Variants in SIPA1L2 observed in about 807,000 individuals in gnomAD.
The protein encoded by SIPA1L2 is signal induced proliferation associated 1 like 2, also known as signal-induced proliferation-associated 1-like protein 2.
In SIPA1L2, 56 loss-of-function variants were observed where a neutral mutation model predicts 163.9. That is an observed-to-expected ratio of 0.34 (90% CI 0.28 to 0.43). The LOEUF (loss-of-function observed/expected upper bound fraction) is 0.43. SIPA1L2 is among the 20% of genes least tolerant of loss of function. The pLI is 1.00. For missense variants in SIPA1L2, 1,974 were observed against 2,193.5 expected, an observed-to-expected ratio of 0.90 and a Z score of 2.00; for synonymous variants, 877 against 865.7, an observed-to-expected ratio of 1.01 and a Z score of -0.23.
intron 1 of SIPA1L2, among the ~76,000 whole-genome samples, chr1:232,601,791 A>G (rs1272246126): frequency 1.3e-5 from 2 of 152,236 alleles, no homozygotes; most frequent in Non-Finnish European, 2.9e-5. Context: ...TCAACCAGGT[A>G]GATAAAATCA....
intron 10 of SIPA1L2, among the ~76,000 whole-genome samples, chr1:232,457,820 C>T (rs952531895): frequency 2.0e-5 from 3 of 152,200 alleles, no homozygotes; most frequent in African/African-American, 7.2e-5. Context: ...CATACTTACA[C>T]TTGCGGTCTA....
At position 232,483,831 on chromosome 1, in the gene SIPA1L2, T is replaced by G; in HGVS notation, c.1942A>C (p.Lys648Gln). Residue 648 changes from lysine (K) to glutamine (Q), a missense_variant, in exon 6 of 23, where the codon AAA becomes CAA. Physicochemically the swap from Lys to Gln is moderately conservative, Grantham distance 53. Coordinates refer to ENST00000674635, the MANE Select transcript of SIPA1L2 (RefSeq NM_020808.5). ...LDLLGQRVRL[K>Q]GFSKYRAQLD... ...TGAGCTCGATATTTACTAAATCCTTTCAGTCGGACTCTCTGGCCCAGAAGA... is the reference window on the plus strand; with the variant it reads ...TGAGCTCGATATTTACTAAATCCTTGCAGTCGGACTCTCTGGCCCAGAAGA... The G allele has an allele frequency of 1.9e-6, 3 of 1,614,052 alleles. No homozygotes were observed. The highest frequency in any genetic ancestry group is 2.5e-6 in the Non-Finnish European group (3 of 1,179,944).
At chr1:232,504,276 C>T (rs1475077240) in intron 3 of SIPA1L2, among the ~76,000 whole-genome samples, 1 of 151,888 alleles carries the variant, frequency 6.6e-6, no homozygotes, top group African/African-American at 2.4e-5. Context: ...CAGTGGCTCA[C>T]ACCTGCAATC....
At chr1:232,577,272 A>C (rs555634828) in intron 1 of SIPA1L2, among the ~76,000 whole-genome samples, 23 of 152,282 alleles carry the variant, frequency 1.5e-4, no homozygotes, top group African/African-American at 5.5e-4. Flanking sequence ...TTATTTACTA[A>C]ATATTTTAAG....
chr1:232,403,494 A>T lies in SIPA1L2; in HGVS notation c.4894T>A (p.Leu1632Ile), dbSNP rs757401711. 3 of 1,613,944 alleles carry T rather than the reference A, an allele frequency of 1.9e-6. No individual in the cohort carries two copies. In the African/African-American group the frequency reaches 4.0e-5, roughly 22 times the overall value. ...QDLEGAQELP[L>I]CVDPGSGKEF... Reference sequence around the variant, plus strand: ...TTGCCACTGCCTGGATCTACACATAAGGGCAGCTCTTGGGCCCCTTCCAGG... The same window carrying T: ...TTGCCACTGCCTGGATCTACACATATGGGCAGCTCTTGGGCCCCTTCCAGG... Residue 1632 changes from leucine (L) to isoleucine (I), a missense_variant, in exon 21 of 23, where the codon TTA becomes ATA. Coordinates refer to ENST00000674635, the MANE Select transcript of SIPA1L2 (RefSeq NM_020808.5).
intron 1 of SIPA1L2, among the ~76,000 whole-genome samples, chr1:232,597,407 G>C (rs1234921363): frequency 6.6e-6 from 1 of 151,892 alleles, no homozygotes; most frequent in South Asian, 2.1e-4. Flanking sequence ...GCCGGGCGCG[G>C]TGGCTCACAC....
chr1:232,526,213 G>A (rs955965247), intron 2 of SIPA1L2, among the ~76,000 whole-genome samples: 7 of 152,120 alleles, frequency 4.6e-5, no homozygotes, highest in Non-Finnish European at 8.8e-5. Flanking sequence ...ACACAGACCC[G>A]GCCTCCCCAG....
At chr1:232,576,399 A>G (rs1285678) in intron 1 of SIPA1L2, among the ~76,000 whole-genome samples, 83,942 of 152,112 alleles carry the variant, frequency 0.55, 23,530 homozygotes, top group East Asian at 0.85. Flanking sequence ...TAACTGTTCT[A>G]GGGTGGCATG....
chr1:232,515,546 C>T lies in SIPA1L2; in HGVS notation c.-207G>A, dbSNP rs1036597339. 1.4e-5 allele frequency: 7 copies of T among 509,820 alleles called. No individual in the cohort carries two copies. The highest frequency in any genetic ancestry group is 3.9e-5 in the South Asian group (1 of 25,370). The allele number at this position is 509,820 out of a possible 1,614,324, so 31.6% of individuals were successfully genotyped here. On this transcript the variant is annotated 5_prime_UTR_variant, in exon 3 of 23. Transcript: ENST00000674635. ...TCTCTGTTGTCGTAATAATGTTGTA[C>T]GCCTCTGTTCTTTTCAAAAGCATTC...
chr1:232,433,327 A>G (rs998647410), intron 15 of SIPA1L2, among the ~76,000 whole-genome samples: 6 of 152,222 alleles, frequency 3.9e-5, no homozygotes, highest in African/African-American at 1.4e-4. Flanking sequence ...TAAAGTTCAT[A>G]AACAGGTAAA....
chr1:232,498,802 A>G (rs1195236331), intron 3 of SIPA1L2, among the ~76,000 whole-genome samples: 1 of 152,180 alleles, frequency 6.6e-6, no homozygotes, highest in Non-Finnish European at 1.5e-5. Context: ...ATAATCCAGG[A>G]TATCTCCCTA....
chr1:232,428,653 C>G (rs1662045221), intron 16 of SIPA1L2, 89 bp from the exon 17 acceptor site: 3 of 1,010,646 alleles, frequency 3.0e-6, no homozygotes, highest in South Asian at 2.8e-5. Context: ...GTTTCAACAG[C>G]CACAAACGCA....
chr1:232,487,371 C>T (rs756896422), intron 5 of SIPA1L2, among the ~76,000 whole-genome samples: 17 of 152,174 alleles, frequency 1.1e-4, no homozygotes, highest in Admixed American at 1.1e-3. Flanking sequence ...TTGTTCTAAG[C>T]ATGTAATCTC....
intron 2 of SIPA1L2, among the ~76,000 whole-genome samples, chr1:232,535,856 T>C (rs1047399735): frequency 6.6e-6 from 1 of 152,256 alleles, no homozygotes; most frequent in African/African-American, 2.4e-5. Context: ...ACTGATTTTT[T>C]ACATATTAAA....
At chr1:232,506,481 C>A (rs1198552948) in intron 3 of SIPA1L2, among the ~76,000 whole-genome samples, 1 of 152,096 alleles carries the variant, frequency 6.6e-6, no homozygotes, top group Non-Finnish European at 1.5e-5. Context: ...CAAGAGTTGA[C>A]CTCCAACTAT....
chr1:232,401,460 ACT>A (rs1660335291), intron 22 of SIPA1L2, among the ~76,000 whole-genome samples: 1 of 152,048 alleles, frequency 6.6e-6, no homozygotes, highest in Admixed American at 6.6e-5. Context: ...TATCCACAAA[ACT>A]CTTATACTCC....
At chr1:232,621,242 G>A (rs190405842) in intron 1 of SIPA1L2, among the ~76,000 whole-genome samples, 1 of 152,208 alleles carries the variant, frequency 6.6e-6, no homozygotes, top group Non-Finnish European at 1.5e-5. Flanking sequence ...GAGAGAACAG[G>A]GCAGTTTTTA....
intron 2 of SIPA1L2, among the ~76,000 whole-genome samples, chr1:232,569,852 A>G (rs1013279418): frequency 1.3e-5 from 2 of 152,264 alleles, no homozygotes; most frequent in South Asian, 2.1e-4. Context: ...CGGATCCTCT[A>G]AAGATCCATT....
rs777436260 is a variant in SIPA1L2, at chr1:232,425,665, C to G, written c.4554G>C (p.Leu1518=). 1.1e-5 allele frequency: 18 copies of G among 1,613,582 alleles called. No homozygotes were observed. In the African/African-American group the frequency reaches 2.3e-4, roughly 20 times the overall value. The change falls in exon 18 of 23, where the codon CTG becomes CTC. Residue 1518 remains leucine, a synonymous_variant. Coordinates refer to ENST00000674635, the MANE Select transcript of SIPA1L2 (RefSeq NM_020808.5). ...VLDQALPNDI[L]FSTTPPYHST... ...TGTGGTAGGGTGGGGTGGTGCTGAA[C>G]AGAATGTCGTTGGGCAGGGCCTGGT...
Sources: allele counts gnomAD v4.1 joint callset (sites outside exome capture counted in the v4.1 genomes callset), GRCh38; gene constraint gnomAD v4.1.1; transcripts MANE v1.5; gene names NCBI Gene and HGNC (gene_info 2026-07-23, HGNC 2026-07-21).